HADH: variants seen among roughly 807,000 people sequenced by gnomAD.
HADH encodes the protein hydroxyacyl-coenzyme A dehydrogenase, mitochondrial.
A neutral mutation model predicts 32.2 loss-of-function variants in HADH; 24 were observed. The observed-to-expected ratio is 0.75, with a 90% CI of 0.54 to 1.05. The LOEUF (loss-of-function observed/expected upper bound fraction) is 1.05, where lower values mean the gene tolerates loss of function less well. Among genes scored for constraint, HADH ranks in the 50% least tolerant of loss-of-function variants. HADH has a pLI of 0.00. For missense variants in HADH, 350 were observed against 397.1 expected (o/e 0.88, Z 1.01); for synonymous variants, 139 against 152.5 (o/e 0.91, Z 0.65).
chr4:107,998,747 A>G (rs1384560616), intron 1 of HADH, among the ~76,000 whole-genome samples: 1 of 152,006 alleles, frequency 6.6e-6, no homozygotes, highest in Non-Finnish European at 1.5e-5. Context: ...TTTCTTAGTA[A>G]TAGCCATCCT....
intron 1 of HADH, among the ~76,000 whole-genome samples, chr4:107,995,391 C>G (rs189915391): frequency 1.1e-3 from 172 of 152,302 alleles, no homozygotes; most frequent in African/African-American, 4.0e-3. Context: ...TTGATAGTAA[C>G]TGTCTGATAA....
intron 1 of HADH, chr4:108,004,966 G>C: frequency 7.2e-7 from 1 of 1,393,220 alleles, no homozygotes; most frequent in Admixed American, 2.0e-5. Flanking sequence ...GTACTAAAAG[G>C]AATGTTAAAC....
At chr4:108,032,374 A>G (rs1485504574) in intron 6 of HADH, 2 of 1,595,850 alleles carry the variant, frequency 1.3e-6, no homozygotes, top group East Asian at 4.5e-5. Context: ...CTTTTCTTTA[A>G]AAGGTATCTT....
At chr4:108,010,303 G>A (rs572570996) in intron 2 of HADH, among the ~76,000 whole-genome samples, 4 of 152,286 alleles carry the variant, frequency 2.6e-5, no homozygotes, top group Admixed American at 1.3e-4. Flanking sequence ...TAGAAACTAA[G>A]AGTGAATCAT....
intron 6 of HADH, chr4:108,030,457 C>T (rs535194954): frequency 6.6e-6 from 1 of 152,496 alleles, no homozygotes; most frequent in East Asian, 1.9e-4. Context: ...GGCACATAGG[C>T]AGCTGCTGAT....
chr4:107,994,133 C>T (rs184388007), intron 1 of HADH, among the ~76,000 whole-genome samples: 4 of 152,206 alleles, frequency 2.6e-5, no homozygotes, highest in South Asian at 2.1e-4. Flanking sequence ...ACATGCTCTC[C>T]GGGTGCAACC....
chr4:107,999,296 A>G (rs561188852), intron 1 of HADH, among the ~76,000 whole-genome samples: 15 of 152,336 alleles, frequency 9.8e-5, no homozygotes, highest in Admixed American at 7.8e-4. Context: ...GCTGGATACC[A>G]CTTAAAGAAT....
chr4:108,013,020 C>T (rs1001040400), intron 2 of HADH, among the ~76,000 whole-genome samples: 1 of 152,212 alleles, frequency 6.6e-6, no homozygotes, highest in Non-Finnish European at 1.5e-5. Flanking sequence ...GCAAGCTCCA[C>T]CTCCCGGGTT....
chr4:108,014,475 C>G lies in HADH; in HGVS notation c.306C>G (p.Thr102=), dbSNP rs754342923. 8 of 1,614,112 alleles carry G rather than the reference C, an allele frequency of 5.0e-6. No individual in the cohort carries two copies. The South Asian group carries it at 6.6e-5, about 13-fold the overall frequency. Residue 102 remains threonine (T), a synonymous_variant, in exon 3 of 8, where the codon ACC becomes ACG. Transcript: ENST00000309522. ...AGAAGACCCTGAGCACCATAGCGACCAGCACGGATGCAGCCTCCGTTGTCC... is the reference window on the plus strand; with the variant it reads ...AGAAGACCCTGAGCACCATAGCGACGAGCACGGATGCAGCCTCCGTTGTCC... ...FVEKTLSTIA[T]STDAASVVHS... is the part of the protein sequence containing the mutation.
At chr4:108,018,768 C>T (rs143573093) in intron 3 of HADH, among the ~76,000 whole-genome samples, 1,544 of 152,218 alleles carry the variant, frequency 0.01, 11 homozygotes, top group Admixed American at 0.016. Flanking sequence ...TGTTTTTATC[C>T]GCAAGGTGGC....
intron 1 of HADH, among the ~76,000 whole-genome samples, chr4:107,994,496 A>G (rs776574943): frequency 6.6e-6 from 1 of 151,982 alleles, no homozygotes; most frequent in Non-Finnish European, 1.5e-5. Context: ...GTTGTTTCAT[A>G]TTTTTTTAGC....
chr4:108,027,857 A>G (rs1278725283), intron 6 of HADH, 97 bp downstream of exon 6: 8 of 780,362 alleles, frequency 1.0e-5, no homozygotes, highest in Admixed American at 5.3e-5. Flanking sequence ...GCCGTGCACA[A>G]TGGAGGAAGC....
intron 3 of HADH, among the ~76,000 whole-genome samples, chr4:108,017,205 C>T (rs1181157404): frequency 6.6e-6 from 1 of 152,146 alleles, no homozygotes; most frequent in Admixed American, 6.5e-5. Flanking sequence ...TGATACATTT[C>T]GGGTTGGAAG....
intron 1 of HADH, among the ~76,000 whole-genome samples, chr4:108,009,400 A>G (rs765372122): frequency 5.3e-5 from 8 of 152,248 alleles, no homozygotes; most frequent in Non-Finnish European, 1.2e-4. Flanking sequence ...TGGCCCCTGA[A>G]TGGAACAGTG....
intron 1 of HADH, among the ~76,000 whole-genome samples, chr4:108,008,581 C>CA (rs1404524682): frequency 7.9e-5 from 12 of 152,130 alleles, no homozygotes; most frequent in Admixed American, 7.2e-4. Flanking sequence ...TGCCTTGCTT[C>CA]AAAAATCTTA....
intron 4 of HADH, among the ~76,000 whole-genome samples, chr4:108,023,172 T>G: frequency 6.6e-6 from 1 of 152,248 alleles, no homozygotes; most frequent in East Asian, 1.9e-4. Flanking sequence ...TTTTGTATTT[T>G]TAGTAGAGAT....
intron 6 of HADH, chr4:108,032,545 A>G: frequency 3.8e-6 from 2 of 522,196 alleles, no homozygotes; most frequent in South Asian, 3.3e-5. Context: ...AATATGCTGT[A>G]GCATTAAATT....
In HADH at chr4:108,009,903, C is replaced by A. The variant is rs71601073; in HGVS notation, c.261+16C>A. On this transcript the variant is annotated intron_variant, in intron 2 of 7. Transcript: ENST00000309522. ...AAACCTTAAGGTAATTTCTTATTAT[C>A]GATGTCTTCAAGACAAGTCCTCTGA... The A allele has an allele frequency of 1.5e-5, 23 of 1,578,930 alleles. No homozygotes were observed. Among genetic ancestry groups the A allele is most frequent in the Non-Finnish European group, 1.9e-5 (22 of 1,149,164 alleles).
At chr4:108,021,980 C>T (rs905264493) in intron 4 of HADH, among the ~76,000 whole-genome samples, 2 of 152,126 alleles carry the variant, frequency 1.3e-5, no homozygotes, top group African/African-American at 4.8e-5. Context: ...ACCTTTCATC[C>T]CTGCACAGAC....
Sources: allele counts gnomAD v4.1 joint callset (sites outside exome capture counted in the v4.1 genomes callset), GRCh38; gene constraint gnomAD v4.1.1; transcripts MANE v1.5; gene names NCBI Gene and HGNC (gene_info 2026-07-23, HGNC 2026-07-21).